The following KCTD2 variants were observed in gnomAD, a reference collection of about 807,000 sequenced individuals.
KCTD2 encodes potassium channel tetramerization domain containing 2, also known as BTB/POZ domain-containing protein KCTD2.
KCTD2 carries 18 observed loss-of-function variants against 27.9 expected under a neutral mutation model. That is an observed-to-expected ratio of 0.64 (90% confidence interval 0.45 to 0.96). KCTD2 has a LOEUF of 0.96. KCTD2 is among the 40% of genes least tolerant of loss of function. The pLI is 0.00. For synonymous variants in KCTD2, 175 were observed against 148.4 expected (o/e 1.18, Z -1.30); for missense variants, 280 against 348.0 (o/e 0.80, Z 1.56).
chr17:75,062,035 G>T, intron 4 of KCTD2, 85 bp from the exon 5 acceptor site: 1 of 1,497,248 alleles, frequency 6.7e-7, no homozygotes. Flanking sequence ...TAAAAGTTCA[G>T]TCGGAAGAGG....
chr17:75,057,577 C>T lies in KCTD2; in HGVS notation c.541-1933C>T, dbSNP rs867312457. ...CCTCTTTTTTTTTTTTTTTTTTCCTCGAGGCAGAGTCTTACTCTGTCGCCC... is the reference window on the plus strand; with the variant it reads ...CCTCTTTTTTTTTTTTTTTTTTCCTTGAGGCAGAGTCTTACTCTGTCGCCC... On this transcript the variant is annotated intron_variant, in intron 3 of 5. Transcript: ENST00000322444. 9.0e-3 allele frequency among the ~76,000 whole-genome samples: 1,184 copies of T among 131,246 alleles called. 15 individuals are homozygous for T. Among genetic ancestry groups the T allele is most frequent in the African/African-American group, 0.031 (1,064 of 34,738 alleles). 86.1% of individuals were successfully genotyped at this position (131,246 alleles called of 152,430 possible). A position where few individuals can be genotyped will look rare whatever the true frequency, so the allele number is the denominator to read the frequency against.
intron 5 of KCTD2, among the ~76,000 whole-genome samples, chr17:75,062,699 A>ACACACACACACACACACACACACACAC (rs1555642380): frequency 8.6e-6 from 1 of 115,988 alleles, no homozygotes; most frequent in Non-Finnish European, 1.8e-5. Context: ...CCTCACCCCC[A>ACACACACACACACACACACACACACAC]ACACACACAC....
chr17:75,052,976 C>G (rs368122033), intron 2 of KCTD2, 38 bp from the exon 3 acceptor site: 3 of 1,501,422 alleles, frequency 2.0e-6, no homozygotes, highest in Non-Finnish European at 2.8e-6. Context: ...CTGGCAAACC[C>G]TCGCACCTAT....
rs888697608 is a variant in KCTD2, at chr17:75,065,514, G to A, written c.*2467G>A. The A allele has an allele frequency of 6.6e-6, 1 of 152,420 alleles. No individual in the cohort carries two copies. Among genetic ancestry groups the A allele is most frequent in the Non-Finnish European group, 1.5e-5 (1 of 68,222 alleles). 9.4% of individuals were successfully genotyped at this position (152,420 alleles called of 1,614,324 possible). A position where few individuals can be genotyped will look rare whatever the true frequency, so the allele number is the denominator to read the frequency against. On this transcript the variant is annotated 3_prime_UTR_variant, in exon 6 of 6. Transcript: ENST00000322444. ...TCTCTGCCCCAGGTCTGGGACGCAG[G>A]TGATGCCAGCCAGGCCCAGGAGTGC...
At chr17:75,061,272 C>T (rs1432166784) in intron 4 of KCTD2, among the ~76,000 whole-genome samples, 1 of 152,188 alleles carries the variant, frequency 6.6e-6, no homozygotes, top group Non-Finnish European at 1.5e-5. Context: ...GATGCCCTCA[C>T]CCTCTGCCTG....
intron 4 of KCTD2, among the ~76,000 whole-genome samples, chr17:75,061,608 C>T (rs2073404451): frequency 6.6e-6 from 1 of 152,276 alleles, no homozygotes; most frequent in East Asian, 1.9e-4. Context: ...TGTGATTGCA[C>T]CACTGCACTC....
chr17:75,033,463 A>G (rs1210762918), intron 1 of KCTD2, among the ~76,000 whole-genome samples: 2 of 152,010 alleles, frequency 1.3e-5, no homozygotes, highest in East Asian at 3.8e-4. Context: ...ACATTCCCTC[A>G]TGATAAGCAA....
chr17:75,037,905 C>T lies in KCTD2; in HGVS notation c.-259+2548C>T, dbSNP rs574948377. 9.8e-4 allele frequency among the ~76,000 whole-genome samples: 148 copies of T among 151,548 alleles called. 1 individual carries two copies. Among genetic ancestry groups the T allele is most frequent in the South Asian group, 1.9e-3 (9 of 4,800 alleles). On this transcript the variant is annotated intron_variant, in intron 3 of 7. Transcript: ENST00000581589. ...TCTACTAAAAATAAAACAAATTAGCCGGGCGTGATGGCGGGCACCTGTAGT... is the reference window on the plus strand; with the variant it reads ...TCTACTAAAAATAAAACAAATTAGCTGGGCGTGATGGCGGGCACCTGTAGT...
upstream of KCTD2, among the ~76,000 whole-genome samples, chr17:75,044,745 TTAAG>T (rs2073196008): frequency 6.6e-6 from 1 of 152,178 alleles, no homozygotes; most frequent in African/African-American, 2.4e-5. Flanking sequence ...ATAGTCCTCT[TTAAG>T]TAAGATCAGG....
intron 4 of KCTD2, 31 bp downstream of exon 4, chr17:75,059,636 G>GC (rs34581230): frequency 6.4e-7 from 1 of 1,557,210 alleles, no homozygotes; most frequent in Non-Finnish European, 8.9e-7. Flanking sequence ...GCAATCCCAG[G>GC]CCCCGTTCAA....
chr17:75,063,057 C>T lies in KCTD2; in HGVS notation c.*10C>T, dbSNP rs1308209715. On this transcript the variant is annotated 3_prime_UTR_variant, in exon 6 of 6. Coordinates refer to ENST00000322444, the MANE Select transcript of KCTD2 (RefSeq NM_015353.3). ...AGGATCGCGGATGTAAACTAAGACC[C>T]CGAAAACTCCAGACCTTCAGGAGAG... 4 of 1,613,674 alleles carry T rather than the reference C, an allele frequency of 2.5e-6. No individual in the cohort carries two copies. The highest frequency in any genetic ancestry group is 1.3e-5 in the African/African-American group (1 of 75,006).
chr17:75,046,119 G>A (rs2073213443), upstream of KCTD2, among the ~76,000 whole-genome samples: 1 of 152,212 alleles, frequency 6.6e-6, no homozygotes, highest in South Asian at 2.1e-4. Flanking sequence ...GTCTCGCACT[G>A]TCGCCTGGGC....
chr17:75,048,974 ATGAG>A (rs1412106568), intron 1 of KCTD2: 1 of 336,166 alleles, frequency 3.0e-6, no homozygotes, highest in Non-Finnish European at 5.4e-6. Flanking sequence ...AAACGCCTAA[ATGAG>A]TATGACTGTC....
At chr17:75,037,784 C>T (rs1045373823) in intron 3 of KCTD2, among the ~76,000 whole-genome samples, 1 of 151,998 alleles carries the variant, frequency 6.6e-6, no homozygotes, top group Non-Finnish European at 1.5e-5. Context: ...ATGCAGTGGC[C>T]CACGCCTGTA....
chr17:75,051,123 A>G (rs996304889), intron 2 of KCTD2, among the ~76,000 whole-genome samples: 19 of 150,448 alleles, frequency 1.3e-4, no homozygotes, highest in Non-Finnish European at 8.9e-5. Flanking sequence ...ATAGGCGCCC[A>G]CCACCACACC....
intron 3 of KCTD2, among the ~76,000 whole-genome samples, chr17:75,054,621 C>T (rs1042266873): frequency 3.3e-5 from 5 of 151,926 alleles, no homozygotes; most frequent in Admixed American, 1.3e-4. Flanking sequence ...CTGGCTAACA[C>T]GGTGAAACCC....
At chr17:75,055,834 A>G (rs1371644493) in intron 3 of KCTD2, among the ~76,000 whole-genome samples, 1 of 145,142 alleles carries the variant, frequency 6.9e-6, no homozygotes, top group Admixed American at 6.9e-5. Flanking sequence ...CTCCCATCTA[A>G]AAAAAAAAAA....
upstream of KCTD2, among the ~76,000 whole-genome samples, chr17:75,044,797 T>C (rs1455365876): frequency 1.3e-5 from 2 of 152,214 alleles, no homozygotes; most frequent in Admixed American, 1.3e-4. Flanking sequence ...AAAATCTCTA[T>C]AAGCTTGGAG....
At position 75,039,773 on chromosome 17, in the gene KCTD2, A is replaced by G. The variant is rs2073139015; in HGVS notation, c.-259+4416A>G. 1.2e-5 allele frequency: 4 copies of G among 341,960 alleles called. No homozygotes were observed. The East Asian group carries it at 1.6e-4, about 14-fold the overall frequency. The allele number at this position is 341,960 out of a possible 1,614,324, so 21.2% of individuals were successfully genotyped here. On this transcript the variant is annotated intron_variant, in intron 3 of 7. Transcript: ENST00000581589. ...GCACATATTTAAAGAACACCATTTG[A>G]TAAGTTTTGATATAGGTATCCACCT...
Sources: gnomAD v4.1 joint callset for allele counts (sites outside exome capture counted in the v4.1 genomes callset) on GRCh38, gnomAD v4.1.1 for gene constraint, MANE v1.5 for transcripts, NCBI Gene and HGNC (gene_info 2026-07-23, HGNC 2026-07-21) for gene names.